The following CALN1 variants were observed in gnomAD, a reference collection of about 807,000 sequenced individuals.
CALN1 encodes the protein calneuron 1.
In CALN1, 17 loss-of-function variants were observed where a neutral mutation model predicts 30.6. The ratio of observed to expected loss-of-function variants is 0.56; its 90% CI spans 0.38 to 0.83. CALN1 has a LOEUF of 0.83. Among genes scored for constraint, CALN1 ranks in the 40% least tolerant of loss-of-function variants. CALN1 has a pLI of 0.00. For synonymous variants in CALN1, 156 were observed against 131.4 expected (o/e 1.19, Z -1.28); for missense variants, 291 against 354.9 (o/e 0.82, Z 1.45).
At chr7:72,327,406 T>C (rs537809839) in intron 2 of CALN1, among the ~76,000 whole-genome samples, 2 of 152,328 alleles carry the variant, frequency 1.3e-5, no homozygotes, top group Non-Finnish European at 2.9e-5. Context: ...GGGGAATCCC[T>C]TGAATCCAGC....
chr7:71,988,383 C>T (rs1403006815), intron 5 of CALN1, among the ~76,000 whole-genome samples: 5 of 152,090 alleles, frequency 3.3e-5, no homozygotes, highest in Non-Finnish European at 7.3e-5. Flanking sequence ...AAGGTGTGTG[C>T]GCGCATCCTG....
intron 4 of CALN1, among the ~76,000 whole-genome samples, chr7:72,054,476 C>CATATAT (rs368100346): frequency 6.5e-4 from 58 of 89,576 alleles, no homozygotes; most frequent in African/African-American, 1.7e-3. Flanking sequence ...TACATATATA[C>CATATAT]ATACATATAT....
At chr7:71,905,810 A>G (rs1221278527) in intron 5 of CALN1, among the ~76,000 whole-genome samples, 1 of 152,218 alleles carries the variant, frequency 6.6e-6, no homozygotes, top group Non-Finnish European at 1.5e-5. Context: ...TCACACTGCC[A>G]TAAAGATACT....
chr7:72,484,807 G>A, the CALN1 span, among the ~76,000 whole-genome samples: 33 of 152,084 alleles, frequency 2.2e-4, no homozygotes, highest in African/African-American at 6.8e-4. Context: ...GGCTTGCCTC[G>A]TTTCTTTATC....
intron 6 of CALN1, among the ~76,000 whole-genome samples, chr7:71,799,746 G>C (rs915733912): frequency 1.3e-5 from 2 of 152,158 alleles, no homozygotes; most frequent in African/African-American, 4.8e-5. Context: ...AAAGTGCTGG[G>C]ACTACAGGCA....
At chr7:71,832,888 G>A (rs1021428637) in intron 5 of CALN1, among the ~76,000 whole-genome samples, 1 of 152,026 alleles carries the variant, frequency 6.6e-6, no homozygotes, top group Non-Finnish European at 1.5e-5. Flanking sequence ...TTACAGGCGT[G>A]AGCCGCCATG....
chr7:72,014,941 C>T (rs946227301), intron 5 of CALN1, among the ~76,000 whole-genome samples: 3 of 152,172 alleles, frequency 2.0e-5, no homozygotes, highest in African/African-American at 4.8e-5. Context: ...GGATTACAGG[C>T]GTGAGACACT....
Position 72,278,012 on chromosome 7 carries a change from G to GGT in CALN1, c.244+673_244+674insAC, listed in dbSNP as rs1554348539. 9.4e-5 allele frequency among the ~76,000 whole-genome samples: 13 copies of GGT among 138,766 alleles called. 2 individuals carry two copies. Among genetic ancestry groups the GGT allele is most frequent in the African/African-American group, 3.2e-4 (12 of 37,376 alleles). The allele number at this position is 138,766 out of a possible 152,430, so 91.0% of individuals were successfully genotyped here. A position where few individuals can be genotyped will look rare whatever the true frequency, so the allele number is the denominator to read the frequency against. The stretch of plus-strand genomic sequence containing the variant: ...AATCAACCTAATCCTCTATTCCGGG[G>GGT]GGGGGGGACTTGTTTTTCCTATTTT... On this transcript the variant is annotated intron_variant, in intron 3 of 6. Transcript: ENST00000395275.
intron 5 of CALN1, among the ~76,000 whole-genome samples, chr7:71,813,123 AT>A (rs1417176075): frequency 6.6e-6 from 1 of 151,772 alleles, no homozygotes. Context: ...TAATTTTTGT[AT>A]TTTTAGTAGA....
At chr7:71,824,361 G>C (rs1159918909) in intron 5 of CALN1, among the ~76,000 whole-genome samples, 1 of 152,110 alleles carries the variant, frequency 6.6e-6, no homozygotes, top group Non-Finnish European at 1.5e-5. Flanking sequence ...GACTTCCCAT[G>C]TTCAGCTTCT....
intron 1 of CALN1, among the ~76,000 whole-genome samples, chr7:72,405,061 T>C (rs905143737): frequency 6.6e-6 from 1 of 152,198 alleles, no homozygotes; most frequent in African/African-American, 2.4e-5. Context: ...CCGAGGTCTC[T>C]GGTTCCCCAA....
chr7:71,817,060 G>C (rs1451899901), intron 5 of CALN1, among the ~76,000 whole-genome samples: 1 of 152,114 alleles, frequency 6.6e-6, no homozygotes, highest in Non-Finnish European at 1.5e-5. Context: ...AAAATAAGTT[G>C]CGTAGCATTC....
chr7:71,789,676 G>A (rs1793202855), intron 6 of CALN1, among the ~76,000 whole-genome samples: 4 of 152,086 alleles, frequency 2.6e-5, no homozygotes, highest in Admixed American at 2.0e-4. Context: ...GGGTCTAGGG[G>A]TTTCGTTCTC....
chr7:72,186,074 A>G (rs965364843), intron 3 of CALN1, among the ~76,000 whole-genome samples: 5 of 152,126 alleles, frequency 3.3e-5, no homozygotes, highest in South Asian at 2.1e-4. Context: ...AGGTAAGGGC[A>G]GAGGCATAGC....
chr7:72,035,950 A>G (rs1230014309), intron 4 of CALN1, among the ~76,000 whole-genome samples: 1 of 152,226 alleles, frequency 6.6e-6, no homozygotes, highest in Non-Finnish European at 1.5e-5. Flanking sequence ...TTATTGCTTC[A>G]TATGGCTTCA....
chr7:72,491,005 G>A, the CALN1 span, among the ~76,000 whole-genome samples: 4 of 152,182 alleles, frequency 2.6e-5, no homozygotes, highest in African/African-American at 9.7e-5. Flanking sequence ...AGCACTTTGG[G>A]AGGCCGAGGC....
At chr7:72,473,088 T>C in the CALN1 span, among the ~76,000 whole-genome samples, 1 of 151,544 alleles carries the variant, frequency 6.6e-6, no homozygotes. Flanking sequence ...TCAGCTCCCC[T>C]GTTTTTGAGG....
At chr7:71,922,568 AAT>A (rs1424392762) in intron 5 of CALN1, among the ~76,000 whole-genome samples, 1 of 141,094 alleles carries the variant, frequency 7.1e-6, no homozygotes, top group African/African-American at 2.6e-5. Context: ...ATTATATATA[AAT>A]ATATAACACA....
chr7:72,028,782 G>A, intron 4 of CALN1, among the ~76,000 whole-genome samples: 1 of 152,168 alleles, frequency 6.6e-6, no homozygotes, highest in East Asian at 1.9e-4. Context: ...CTTGAGGTCA[G>A]GAGTTTGAGA....
Sources: gnomAD v4.1 joint callset for allele counts (sites outside exome capture counted in the v4.1 genomes callset) on GRCh38, gnomAD v4.1.1 for gene constraint, MANE v1.5 for transcripts, NCBI Gene and HGNC (gene_info 2026-07-23, HGNC 2026-07-21) for gene names.